Variants in SRP68 observed in about 807,000 individuals in gnomAD.
SRP68 encodes the protein signal recognition particle 68, also known as signal recognition particle subunit SRP68.
SRP68 carries 15 observed loss-of-function variants against 82.2 expected under a neutral mutation model. The observed-to-expected ratio is 0.18, with a 90% CI of 0.12 to 0.28. The LOEUF (loss-of-function observed/expected upper bound fraction) is 0.28. SRP68 is among the 10% of genes least tolerant of loss of function. The pLI, the probability that SRP68 is intolerant of heterozygous loss-of-function variation, is 1.00. For missense variants in SRP68, 595 were observed against 780.5 expected, an observed-to-expected ratio of 0.76 and a Z score of 2.83; for synonymous variants, 261 against 292.6, an observed-to-expected ratio of 0.89 and a Z score of 1.10.
At chr17:76,058,659 C>G (rs1411547323) in intron 7 of SRP68, among the ~76,000 whole-genome samples, 2 of 152,066 alleles carry the variant, frequency 1.3e-5, no homozygotes, top group Non-Finnish European at 2.9e-5. Context: ...AAGAGTAACA[C>G]TAAGTTTTGG....
At chr17:76,057,317 A>G in intron 8 of SRP68, 86 bp downstream of exon 8, 1 of 1,540,108 alleles carries the variant, frequency 6.5e-7, no homozygotes. Context: ...ATGAGAACTG[A>G]ATACCAACGA....
intron 2 of SRP68, 138 bp downstream of exon 2, chr17:76,070,237 AAAC>A: frequency 1.4e-6 from 1 of 713,460 alleles, no homozygotes; most frequent in South Asian, 1.9e-5. Flanking sequence ...AAAAAAAAAA[AAAC>A]AAAGCAAACA....
rs71891783 is a variant in SRP68 at position 76,070,850 on chromosome 17, G to GCACACACACACACACA, written c.185-422_185-407dup. On this transcript the variant is annotated intron_variant, in intron 1 of 15. Transcript: ENST00000307877. ...GTGAGATTCAGTCACACATGCACATGCACACACACACACACACACACACAC... is the reference window on the plus strand; with the variant it reads ...GTGAGATTCAGTCACACATGCACATGCACACACACACACACACACACACACACACACACACACACAC... 6.3e-3 allele frequency among the ~76,000 whole-genome samples: 931 copies of GCACACACACACACACA among 146,858 alleles called. 8 individuals carry two copies. Among genetic ancestry groups the GCACACACACACACACA allele is most frequent in the East Asian group, 0.02 (96 of 4,922 alleles).
At chr17:76,064,266 T>C in intron 3 of SRP68, 95 bp from the exon 4 acceptor site, 9 of 1,115,804 alleles carry the variant, frequency 8.1e-6, no homozygotes, top group Non-Finnish European at 1.2e-5. Flanking sequence ...CTTTTCTTTA[T>C]ACTCTCCCGC....
chr17:76,043,648 G>C (rs1211267498), intron 13 of SRP68, 181 bp downstream of exon 13: 3 of 491,736 alleles, frequency 6.1e-6, no homozygotes, highest in Non-Finnish European at 1.0e-5. Context: ...CCTCAGGCCT[G>C]GAGCACAGCC....
chr17:76,067,364 A>G (rs773817602), intron 2 of SRP68, 34 bp from the exon 3 acceptor site: 2 of 1,457,828 alleles, frequency 1.4e-6, no homozygotes, highest in East Asian at 4.5e-5. Flanking sequence ...TCACTCAGCC[A>G]AGCTGAGAGT....
intron 2 of SRP68, among the ~76,000 whole-genome samples, chr17:76,069,685 C>A (rs2066834351): frequency 6.8e-6 from 1 of 147,224 alleles, no homozygotes; most frequent in Non-Finnish European, 1.5e-5. Context: ...CCAGCCTGGG[C>A]AACAGAGTGA....
In SRP68 at chr17:76,043,982, C is replaced by A. The variant is rs747401861; in HGVS notation, c.1395-24G>T. ...ACCTGATGGGGAGGGAAAAGAGCCA[C>A]AATATTCTAAAGCAGCAATTACCCA... On this transcript the variant is annotated intron_variant, in intron 12 of 15. Coordinates refer to ENST00000307877, the MANE Select transcript of SRP68 (RefSeq NM_014230.4). 5 of 1,587,294 alleles carry A rather than the reference C, an allele frequency of 3.2e-6. No individual in the cohort carries two copies. In the African/African-American group the frequency reaches 6.8e-5, roughly 22 times the overall value.
rs1175298233 is a variant in SRP68 at position 76,071,484 on chromosome 17, G to T, written c.184+824C>A. On this transcript the variant is annotated intron_variant, in intron 1 of 15. Coordinates refer to ENST00000307877, the MANE Select transcript of SRP68 (RefSeq NM_014230.4). The surrounding 1 kb of genome is among the most constrained non-coding windows in gnomAD (Gnocchi z 4.7). ...AAGGACTCTTTAAATTACTAAAACG[G>T]GACAAAGAGATATAAAGGTCTCAGT... Among the ~76,000 whole-genome samples, 4 of 152,224 alleles carry T rather than the reference G, an allele frequency of 2.6e-5. No homozygotes were observed. Among genetic ancestry groups the T allele is most frequent in the Middle Eastern group, 3.4e-3 (1 of 294 alleles).
At chr17:76,048,459 T>C (rs538654057) in intron 9 of SRP68, 1 of 152,274 alleles carries the variant, frequency 6.6e-6, no homozygotes, top group Non-Finnish European at 1.5e-5. Flanking sequence ...AAATTAGGGA[T>C]CTCTGAATTA....
intron 13 of SRP68, 77 bp from the exon 14 acceptor site, chr17:76,041,055 G>A (rs987276219): frequency 1.4e-5 from 15 of 1,103,694 alleles, no homozygotes; most frequent in South Asian, 3.9e-5. Flanking sequence ...CGAGTTAACC[G>A]ACCCCACTGG....
chr17:76,043,992 A>C, intron 12 of SRP68, 34 bp from the exon 13 acceptor site: 1 of 1,580,186 alleles, frequency 6.3e-7, no homozygotes, highest in Non-Finnish European at 8.5e-7. Flanking sequence ...CAATATTCTA[A>C]AGCAGCAATT....
At chr17:76,067,161 G>A in intron 3 of SRP68, 56 bp downstream of exon 3, 2 of 1,299,632 alleles carry the variant, frequency 1.5e-6, no homozygotes, top group Non-Finnish European at 2.2e-6. Flanking sequence ...CCACGTCATT[G>A]TTCAATAAAT....
intron 15 of SRP68, 136 bp from the exon 16 acceptor site, chr17:76,040,069 AC>A: frequency 1.2e-6 from 1 of 835,870 alleles, no homozygotes; most frequent in East Asian, 2.7e-5. Context: ...ACAGCCTCCT[AC>A]GAGGAGGGGC....
chr17:76,060,153 A>G (rs932316611), intron 7 of SRP68, among the ~76,000 whole-genome samples, 155 bp downstream of exon 7: 17 of 149,918 alleles, frequency 1.1e-4, no homozygotes, highest in African/African-American at 3.9e-4. Context: ...AAAAAAAAGA[A>G]AAAGTTTTTT....
intron 2 of SRP68, among the ~76,000 whole-genome samples, chr17:76,069,394 A>G (rs2066831696): frequency 6.6e-6 from 1 of 151,826 alleles, no homozygotes; most frequent in African/African-American, 2.4e-5. Context: ...TCTCAAAAAA[A>G]TAAGTAAATA....
At position 76,071,786 on chromosome 17, in the gene SRP68, G is replaced by GA. The variant is rs1008119105; in HGVS notation, c.184+521dup. Among the ~76,000 whole-genome samples the GA allele has an allele frequency of 3.3e-5, 5 of 152,096 alleles. No homozygotes were observed. The highest frequency in any genetic ancestry group is 1.3e-4 in the Admixed American group (2 of 15,260). ...AGATAAAATGCCTACAGACCGATCA[G>GA]AAAAAAATGACACAATCGATATTAA... is the stretch of plus-strand genomic sequence containing the variant. On this transcript the variant is annotated intron_variant, in intron 1 of 15. Coordinates refer to ENST00000307877, the MANE Select transcript of SRP68 (RefSeq NM_014230.4). This position sits in a 1 kb window ranked among gnomAD's most constrained non-coding sequence, Gnocchi z 4.7.
intron 4 of SRP68, among the ~76,000 whole-genome samples, chr17:76,063,059 C>T (rs577150364): frequency 2.3e-4 from 35 of 151,688 alleles, no homozygotes; most frequent in Admixed American, 4.0e-4. Flanking sequence ...CGTGAGCCAC[C>T]ACGCCCGGCC....
At position 76,039,040 on chromosome 17, in the gene SRP68, C is replaced by G. The variant is rs2066568774; in HGVS notation, c.*666G>C. On this transcript the variant is annotated 3_prime_UTR_variant, in exon 16 of 16. Transcript: ENST00000307877. ...ACTTGACCTCACCGGCTTCACGCAA[C>G]TAGGCTCCCGAGGAGAGAACGGGGA... The G allele has an allele frequency of 4.5e-6, 1 of 224,076 alleles. No individual in the cohort carries two copies. Among genetic ancestry groups the G allele is most frequent in the Admixed American group, 4.8e-5 (1 of 20,696 alleles). 13.9% of individuals were successfully genotyped at this position (224,076 alleles called of 1,614,324 possible).
Sources: gnomAD v4.1 joint callset for allele counts (sites outside exome capture counted in the v4.1 genomes callset) on GRCh38, gnomAD v4.1.1 for gene constraint, Gnocchi (gnomAD v3.1) non-coding constraint, MANE v1.5 for transcripts, NCBI Gene and HGNC (gene_info 2026-07-23, HGNC 2026-07-21) for gene names.